Variants in PCDH15 observed in about 807,000 individuals in gnomAD.
PCDH15 encodes the protein protocadherin related 15.
PCDH15 carries 129 observed loss-of-function variants against 178.5 expected under a neutral mutation model. The observed-to-expected ratio is 0.72, with a 90% CI of 0.63 to 0.84. The LOEUF (loss-of-function observed/expected upper bound fraction) is 0.84. PCDH15 is among the 40% of genes least tolerant of loss of function. PCDH15 has a pLI of 0.00. For synonymous variants in PCDH15, 800 were observed against 732.0 expected (o/e 1.09, Z -1.50); for missense variants, 2,230 against 2,099.9 (o/e 1.06, Z -1.21).
intron 8 of PCDH15, among the ~76,000 whole-genome samples, chr10:54,242,598 G>T (rs1433814602): frequency 4.6e-5 from 7 of 152,032 alleles, no homozygotes; most frequent in Non-Finnish European, 8.8e-5. Context: ...ATTTACACAA[G>T]TTGATGGGTC....
intron 5 of PCDH15, among the ~76,000 whole-genome samples, chr10:54,361,224 G>T (rs573898983): frequency 7.8e-4 from 119 of 152,182 alleles, no homozygotes; most frequent in African/African-American, 2.8e-3. Context: ...TCTATGCTTA[G>T]TTGAAAAACT....
chr10:54,145,642 T>C (rs1210827618), intron 14 of PCDH15, among the ~76,000 whole-genome samples: 1 of 151,972 alleles, frequency 6.6e-6, no homozygotes, highest in Non-Finnish European at 1.5e-5. Flanking sequence ...CCACAGAACA[T>C]TAATAGACAG....
intron 16 of PCDH15, among the ~76,000 whole-genome samples, chr10:54,088,816 C>A (rs2094554447): frequency 6.6e-6 from 1 of 152,110 alleles, no homozygotes; most frequent in Admixed American, 6.6e-5. Context: ...ATTATCTTGA[C>A]CCCTTTTTGA....
At chr10:54,795,346 T>C (rs554177686) in intron 1 of PCDH15, among the ~76,000 whole-genome samples, 193 of 152,022 alleles carry the variant, frequency 1.3e-3, no homozygotes, top group African/African-American at 4.3e-3. Context: ...TAAATGTCCA[T>C]TCTCAAAACT....
At chr10:54,825,448 C>T (rs1953113178) in intron 3 of PCDH15, among the ~76,000 whole-genome samples, 1 of 148,452 alleles carries the variant, frequency 6.7e-6, no homozygotes. Flanking sequence ...GGAATCGCCA[C>T]GCTGACTTCC....
chr10:53,865,519 C>T (rs990478077), intron 27 of PCDH15, among the ~76,000 whole-genome samples: 3 of 152,142 alleles, frequency 2.0e-5, no homozygotes, highest in African/African-American at 7.2e-5. Flanking sequence ...GAAAGTTAAA[C>T]ACCACATGTT....
chr10:55,577,235 C>T (rs1192102161), intron 2 of PCDH15, among the ~76,000 whole-genome samples: 1 of 152,032 alleles, frequency 6.6e-6, no homozygotes, highest in Non-Finnish European at 1.5e-5. Flanking sequence ...AGAGTGACTC[C>T]ATCTCAAAAC....
rs1047461512 is a variant in PCDH15 at position 55,188,649 on chromosome 10, A to G, written c.-155-21998T>C. On this transcript the variant is annotated intron_variant, in intron 1 of 5. Coordinates refer to the PCDH15 transcript ENST00000458638. ...TTTTTCCAGTTATTTTAGTTGCCAT[A>G]AGACAATTTCCAAACTTTTACAGTA... Among the ~76,000 whole-genome samples, 12 of 152,106 alleles carry G rather than the reference A, an allele frequency of 7.9e-5. No individual in the cohort carries two copies. In the East Asian group the frequency reaches 2.1e-3, roughly 27 times the overall value.
chr10:55,521,185 T>C (rs998187224), intron 2 of PCDH15, among the ~76,000 whole-genome samples: 2 of 152,008 alleles, frequency 1.3e-5, no homozygotes, highest in African/African-American at 4.8e-5. Flanking sequence ...TTGTCTTTCT[T>C]TACCTGGCTT....
chr10:54,168,613 T>C (rs1322159441), intron 13 of PCDH15, among the ~76,000 whole-genome samples: 172 of 147,720 alleles, frequency 1.2e-3, no homozygotes, highest in African/African-American at 4.4e-3. Flanking sequence ...GCCAAAGGCA[T>C]AGTCAAGGTT....
At chr10:55,157,518 C>T (rs10825479) in intron 2 of PCDH15, among the ~76,000 whole-genome samples, 74,895 of 142,700 alleles carry the variant, frequency 0.52, 20,621 homozygotes, top group Non-Finnish European at 0.63. Context: ...ATGTTTATTG[C>T]GGCACTATTC....
intron 3 of PCDH15, among the ~76,000 whole-genome samples, chr10:54,413,644 T>C (rs1477366344): frequency 6.6e-6 from 1 of 152,204 alleles, no homozygotes; most frequent in Non-Finnish European, 1.5e-5. Context: ...AATGTAAGTT[T>C]CATAATTCAG....
intron 26 of PCDH15, among the ~76,000 whole-genome samples, chr10:53,874,613 G>A (rs931589794): frequency 6.6e-6 from 1 of 152,066 alleles, no homozygotes; most frequent in African/African-American, 2.4e-5. Flanking sequence ...AGAAGCAGGT[G>A]CTTTTTCAAA....
intron 3 of PCDH15, among the ~76,000 whole-genome samples, chr10:54,819,529 T>A (rs932427816): frequency 1.3e-5 from 2 of 152,054 alleles, no homozygotes; most frequent in Admixed American, 1.3e-4. Flanking sequence ...ACTTTTCTTA[T>A]TGATATCTTA....
intron 2 of PCDH15, among the ~76,000 whole-genome samples, chr10:55,023,782 T>C (rs944563945): frequency 3.3e-5 from 5 of 151,376 alleles, no homozygotes; most frequent in Middle Eastern, 3.5e-3. Flanking sequence ...TGTGTACACA[T>C]ATACACACAT....
intron 1 of PCDH15, among the ~76,000 whole-genome samples, chr10:54,742,824 A>G (rs1231869742): frequency 6.6e-6 from 1 of 152,014 alleles, no homozygotes; most frequent in Non-Finnish European, 1.5e-5. Context: ...CGTCACAAAG[A>G]ATACATTGCC....
chr10:54,521,200 C>T (rs901778249), intron 3 of PCDH15, among the ~76,000 whole-genome samples: 1 of 152,066 alleles, frequency 6.6e-6, no homozygotes, highest in Non-Finnish European at 1.5e-5. Context: ...TACCCTAAAA[C>T]TTAAAGCATA....
intron 19 of PCDH15, among the ~76,000 whole-genome samples, chr10:54,022,119 T>G (rs928724769): frequency 1.7e-4 from 23 of 134,786 alleles, no homozygotes; most frequent in Non-Finnish European, 2.3e-4. Flanking sequence ...AAATGGCTAC[T>G]TTTTTTTTTT....
chr10:54,801,909 A>G (rs957066077), upstream of PCDH15, among the ~76,000 whole-genome samples: 2 of 152,234 alleles, frequency 1.3e-5, no homozygotes, highest in Admixed American at 6.5e-5. Flanking sequence ...CAGGTAAACT[A>G]GTAAAATACA....
Sources: gnomAD v4.1 joint callset for allele counts (sites outside exome capture counted in the v4.1 genomes callset) on GRCh38, gnomAD v4.1.1 for gene constraint, MANE v1.5 for transcripts, NCBI Gene and HGNC (gene_info 2026-07-23, HGNC 2026-07-21) for gene names.